JMJD8: variants seen among roughly 807,000 people sequenced by gnomAD.
JMJD8 encodes the protein jumonji domain containing 8.
A neutral mutation model predicts 37.6 loss-of-function variants in JMJD8; 56 were observed. The ratio of observed to expected loss-of-function variants is 1.49; its 90% CI spans 1.20 to 1.86. The LOEUF (loss-of-function observed/expected upper bound fraction) is 1.86, where lower values mean the gene tolerates loss of function less well. Among genes scored for constraint, JMJD8 ranks in the 40% most tolerant of loss-of-function variants. The pLI is 0.00. For missense variants in JMJD8, 542 were observed against 362.7 expected, an observed-to-expected ratio of 1.49 and a Z score of -4.01; for synonymous variants, 261 against 163.7, an observed-to-expected ratio of 1.59 and a Z score of -4.54.
In JMJD8 at chr16:683,589, G is replaced by A. The variant is rs750735595; in HGVS notation, c.332C>T (p.Pro111Leu). The change falls in exon 5 of 9, where the codon CCC becomes CTC. Residue 111 changes from proline to leucine, a missense_variant. Pro to Leu is a moderately conservative substitution (Grantham distance 98). Transcript: ENST00000609261. Reference protein sequence around the residue: ...NTYSYHKVDLPFQEYVEQLLH... With the variant: ...NTYSYHKVDLLFQEYVEQLLH... ...CAGCTGCTCCACATACTCCTGGAAGGGCAAGTCCACTGCAGGAAAGAGACG... is the reference window on the plus strand; with the variant it reads ...CAGCTGCTCCACATACTCCTGGAAGAGCAAGTCCACTGCAGGAAAGAGACG... 1.5e-5 allele frequency: 24 copies of A among 1,577,404 alleles called. No individual in the cohort carries two copies. Among genetic ancestry groups the A allele is most frequent in the East Asian group, 4.7e-5 (2 of 42,948 alleles).
At chr16:683,991 G>A (rs1567289161) in intron 2 of JMJD8, 75 bp downstream of exon 2, 5 of 1,557,860 alleles carry the variant, frequency 3.2e-6, no homozygotes, top group East Asian at 2.4e-5. Context: ...GAGGTCAGGG[G>A]AAGGCGGCCT....
At position 684,313 on chromosome 16, in the gene JMJD8, G is replaced by C. The variant is rs1361025221; in HGVS notation, c.7C>G (p.Pro3Ala). 6 of 1,487,260 alleles carry C rather than the reference G, an allele frequency of 4.0e-6. No individual in the cohort carries two copies. Among genetic ancestry groups the C allele is most frequent in the South Asian group, 2.5e-5 (2 of 79,052 alleles). 92.1% of individuals were successfully genotyped at this position (1,487,260 alleles called of 1,614,324 possible). ...CAGAGCGCGAGCAACCGCGACGCCG[G>C]CGCCATGAGCCTGCCGCCCTCAGGC... Reference protein sequence around the residue: MAPASRLLALWAL... With the variant: MAAASRLLALWAL... The change falls in exon 1 of 9, where the codon CCG becomes GCG. Residue 3 changes from proline (P) to alanine (A), a missense_variant. By Grantham distance (27) the Pro-to-Ala change is conservative. Transcript: ENST00000609261.
At position 684,285 on chromosome 16, in the gene JMJD8, G is replaced by C. The variant is rs929852290; in HGVS notation, c.35C>G (p.Ala12Gly). Residue 12 changes from alanine (A) to glycine (G), a missense_variant, in exon 1 of 9, where the codon GCG becomes GGG. By Grantham distance (60) the Ala-to-Gly change is moderately conservative (BLOSUM62 0). Coordinates refer to ENST00000609261, the MANE Select transcript of JMJD8 (RefSeq NM_001005920.4). ...GCCGGGTAGAGCCACAGCCGCCAGC[G>C]CCCAGAGCGCGAGCAACCGCGACGC... ...APASRLLALW[A>G]LAAVALPGSG... 1 of 1,459,498 alleles carries C rather than the reference G, an allele frequency of 6.9e-7. No homozygotes were observed. The highest frequency in any genetic ancestry group is 1.5e-5 in the African/African-American group (1 of 67,582). 90.4% of individuals were successfully genotyped at this position (1,459,498 alleles called of 1,614,324 possible).
In JMJD8 at chr16:682,194, C is replaced by T. The variant is rs768152535; in HGVS notation, c.*600G>A. The T allele has an allele frequency of 1.2e-6, 2 of 1,611,010 alleles. No individual in the cohort carries two copies. Among genetic ancestry groups the T allele is most frequent in the East Asian group, 2.2e-5 (1 of 44,782 alleles). Reference sequence around the variant, plus strand: ...GAGACATCCCCGACTACCTGTGTGGCAAGATCAGCTTTGAGCTGATGCGGG... The same window carrying T: ...GAGACATCCCCGACTACCTGTGTGGTAAGATCAGCTTTGAGCTGATGCGGG... On this transcript the variant is annotated 3_prime_UTR_variant, in exon 9 of 9. Coordinates refer to ENST00000609261, the MANE Select transcript of JMJD8 (RefSeq NM_001005920.4).
At position 684,266 on chromosome 16, in the gene JMJD8, TAG is replaced by T; in HGVS notation, c.52_53del (p.Leu18ThrfsTer113). On this transcript the variant is annotated frameshift_variant, in exon 1 of 9. Transcript: ENST00000609261. LOFTEE classifies it high-confidence loss of function. ...LALWALAAVA[L>X]PGSGAEGDGG... ...CGTCGCCCTCCGCCCCGGAGCCGGG[TAG>T]AGCCACAGCCGCCAGCGCCCAGAGC... 2 of 1,424,340 alleles carry T rather than the reference TAG, an allele frequency of 1.4e-6. No individual in the cohort carries two copies. The highest frequency in any genetic ancestry group is 1.8e-6 in the Non-Finnish European group (2 of 1,097,448). 88.2% of individuals were successfully genotyped at this position (1,424,340 alleles called of 1,614,324 possible). A position where few individuals can be genotyped will look rare whatever the true frequency, so the allele number is the denominator to read the frequency against.
chr16:681,886 G>A lies in JMJD8; in HGVS notation c.*908C>T, dbSNP rs774986164. 21 of 1,612,988 alleles carry A rather than the reference G, an allele frequency of 1.3e-5. No homozygotes were observed. Among genetic ancestry groups the A allele is most frequent in the Non-Finnish European group, 1.7e-5 (20 of 1,179,972 alleles). On this transcript the variant is annotated 3_prime_UTR_variant, in exon 9 of 9. Transcript: ENST00000609261. ...CCTGCATTGAGGCCAAGCACGTGAGGGTGCCCCCCACCCACATGTGGGTCT... is the reference window on the plus strand; with the variant it reads ...CCTGCATTGAGGCCAAGCACGTGAGAGTGCCCCCCACCCACATGTGGGTCT...
Position 683,488 on chromosome 16 carries a change from C to G in JMJD8, c.391+42G>C, listed in dbSNP as rs1339610191. 32 of 1,546,194 alleles carry G rather than the reference C, an allele frequency of 2.1e-5. No individual in the cohort carries two copies. The Admixed American group carries it at 6.3e-4, about 30-fold the overall frequency. ...ACAGGGATCCTGGCACCTGGAGACT[C>G]CAAGCGTCCCCACCCCCTACCGCCG... On this transcript the variant is annotated intron_variant, in intron 5 of 8. Coordinates refer to ENST00000609261, the MANE Select transcript of JMJD8 (RefSeq NM_001005920.4).
At chr16:684,017 G>T in intron 2 of JMJD8, 49 bp downstream of exon 2, 1 of 1,565,266 alleles carries the variant, frequency 6.4e-7, no homozygotes, top group South Asian at 1.2e-5. Context: ...GGTCGGGGCA[G>T]ACGGGCCGGT....
At chr16:684,031 C>G in intron 2 of JMJD8, 35 bp downstream of exon 2, 4 of 1,573,124 alleles carry the variant, frequency 2.5e-6, no homozygotes, top group Middle Eastern at 1.7e-4. Flanking sequence ...GGCCGGTGAA[C>G]AGGACGCGAC....
chr16:682,904 T>C lies in JMJD8; in HGVS notation c.715-30A>G, dbSNP rs757588363. The C allele has an allele frequency of 1.4e-5, 22 of 1,612,404 alleles. No homozygotes were observed. The South Asian group carries it at 2.2e-4, about 16-fold the overall frequency. ...TGGAGGAAGGGGGTGCAGCAGAGATTAGCTGCGGGCCTCTAGCCTGGCCTG... is the reference window on the plus strand; with the variant it reads ...TGGAGGAAGGGGGTGCAGCAGAGATCAGCTGCGGGCCTCTAGCCTGGCCTG... On this transcript the variant is annotated intron_variant, in intron 8 of 8. Transcript: ENST00000609261.
In JMJD8 at chr16:682,326, G is replaced by A. The variant is rs368200174; in HGVS notation, c.*468C>T. The A allele has an allele frequency of 4.7e-5, 76 of 1,612,798 alleles. No individual in the cohort carries two copies. The African/African-American group carries it at 8.0e-4, about 17-fold the overall frequency. ...GAGCAGGGCCAGTGGCATGGTCCTGGGCCCCATGACTGCCCTCTGCCCTTC... is the reference window on the plus strand; with the variant it reads ...GAGCAGGGCCAGTGGCATGGTCCTGAGCCCCATGACTGCCCTCTGCCCTTC... On this transcript the variant is annotated 3_prime_UTR_variant, in exon 9 of 9. Transcript: ENST00000609261.
Position 682,821 on chromosome 16 carries a change from G to T in JMJD8, c.768C>A (p.Ser256Arg), listed in dbSNP as rs183214382. 2.5e-5 allele frequency: 40 copies of T among 1,612,904 alleles called. No individual in the cohort carries two copies. Among genetic ancestry groups the T allele is most frequent in the Non-Finnish European group, 3.3e-5 (39 of 1,179,876 alleles). Residue 256 changes from serine (S) to arginine (R), a missense_variant, in exon 9 of 9, where the codon AGC becomes AGA. By Grantham distance (110) the Ser-to-Arg change is moderately radical. Coordinates refer to ENST00000609261, the MANE Select transcript of JMJD8 (RefSeq NM_001005920.4). Reference protein sequence around the residue: ...WWHATLNLDTSVFISTFLG With the variant: ...WWHATLNLDTRVFISTFLG ...AGCCGAGGAAGGTGGAGATGAAGAC[G>T]CTGGTGTCAAGGTTGAGCGTAGCAT...
rs749991533 is a variant in JMJD8 at position 682,505 on chromosome 16, C to G, written c.*289G>C. 1.2e-6 allele frequency: 2 copies of G among 1,612,944 alleles called. No homozygotes were observed. The highest frequency in any genetic ancestry group is 1.7e-5 in the Admixed American group (1 of 60,026). On this transcript the variant is annotated 3_prime_UTR_variant, in exon 9 of 9. Coordinates refer to ENST00000609261, the MANE Select transcript of JMJD8 (RefSeq NM_001005920.4). ...GGACTACTGAGGTTCCCTGCCCTACCTGGCGTCCTGGTCCAGGGGAGCCCT... is the reference window on the plus strand; with the variant it reads ...GGACTACTGAGGTTCCCTGCCCTACGTGGCGTCCTGGTCCAGGGGAGCCCT...
chr16:683,923 C>T lies in JMJD8; in HGVS notation c.177-14G>A. ...ACGAAGGCGTACCTGGAAAGAAGGGCAGAGTCGCGGCCAGGCCGGACCGCC... is the reference window on the plus strand; with the variant it reads ...ACGAAGGCGTACCTGGAAAGAAGGGTAGAGTCGCGGCCAGGCCGGACCGCC... On this transcript the variant is annotated splice_polypyrimidine_tract_variant and intron_variant, in intron 2 of 8. Coordinates refer to ENST00000609261, the MANE Select transcript of JMJD8 (RefSeq NM_001005920.4). The T allele has an allele frequency of 6.4e-7, 1 of 1,571,498 alleles. No homozygotes were observed. The highest frequency in any genetic ancestry group is 1.3e-5 in the African/African-American group (1 of 74,160).
In JMJD8 at chr16:681,859, G is replaced by A; in HGVS notation, c.*935C>T. 6 of 1,612,770 alleles carry A rather than the reference G, an allele frequency of 3.7e-6. No individual in the cohort carries two copies. The highest frequency in any genetic ancestry group is 5.1e-6 in the Non-Finnish European group (6 of 1,179,898). Reference sequence around the variant, plus strand: ...ACGACAGCCACGTCCGGGCCCAGCAGGCCTGCATTGAGGCCAAGCACGTGA... The same window carrying A: ...ACGACAGCCACGTCCGGGCCCAGCAAGCCTGCATTGAGGCCAAGCACGTGA... On this transcript the variant is annotated 3_prime_UTR_variant, in exon 9 of 9. Coordinates refer to ENST00000609261, the MANE Select transcript of JMJD8 (RefSeq NM_001005920.4).
rs1404756948 is a variant in JMJD8 at position 682,705 on chromosome 16, C to T, written c.*89G>A. On this transcript the variant is annotated 3_prime_UTR_variant, in exon 9 of 9. Transcript: ENST00000609261. Reference sequence around the variant, plus strand: ...CAGGTGAGGGTGGGCTGGGCTGAGGCCATTGCCGCCACTATCTGTGTAATA... The same window carrying T: ...CAGGTGAGGGTGGGCTGGGCTGAGGTCATTGCCGCCACTATCTGTGTAATA... 6 of 1,490,254 alleles carry T rather than the reference C, an allele frequency of 4.0e-6. No homozygotes were observed. Among genetic ancestry groups the T allele is most frequent in the Non-Finnish European group, 5.5e-6 (6 of 1,089,260 alleles). 92.3% of individuals were successfully genotyped at this position (1,490,254 alleles called of 1,614,324 possible).
In JMJD8 at chr16:682,112, G is replaced by C. The variant is rs568012319; in HGVS notation, c.*682C>G. On this transcript the variant is annotated 3_prime_UTR_variant, in exon 9 of 9. Transcript: ENST00000609261. ...GTCGCTTGCTGCCGATGGCTGGCAG[G>C]TGCTCGTGCAGTGCCCCTTTTCAGC... 9 of 1,584,768 alleles carry C rather than the reference G, an allele frequency of 5.7e-6. 1 individual carries two copies. In the Middle Eastern group the frequency reaches 5.0e-4, roughly 89 times the overall value.
rs2039767891 is a variant in JMJD8, at chr16:683,299, TC to T, written c.511+22del. 3 of 1,608,734 alleles carry T rather than the reference TC, an allele frequency of 1.9e-6. No homozygotes were observed. The East Asian group carries it at 6.7e-5, about 36-fold the overall frequency. On this transcript the variant is annotated intron_variant, in intron 6 of 8. Transcript: ENST00000609261. ...ACTCACCGACAGAAGCCTCAGTCCT[TC>T]CCAGTCCCAAGAAGCACCCACCTGC... is the stretch of plus-strand genomic sequence containing the variant.
rs1301660992 is a variant in JMJD8, at chr16:682,610, T to C, written c.*184A>G. ...CTTCCCCCAAGTTCTGCTGTTGGAC[T>C]CTGGACTGTTTCCCCTCTCAGCATC... is the stretch of plus-strand genomic sequence containing the variant. On this transcript the variant is annotated 3_prime_UTR_variant, in exon 9 of 9. Transcript: ENST00000609261. 2 of 1,477,096 alleles carry C rather than the reference T, an allele frequency of 1.4e-6. No individual in the cohort carries two copies. Among genetic ancestry groups the C allele is most frequent in the Admixed American group, 1.9e-5 (1 of 52,400 alleles). The allele number at this position is 1,477,096 out of a possible 1,614,324, so 91.5% of individuals were successfully genotyped here.
Sources: gnomAD v4.1 joint callset for allele counts on GRCh38, gnomAD v4.1.1 for gene constraint, MANE v1.5 for transcripts, NCBI Gene and HGNC (gene_info 2026-07-23, HGNC 2026-07-21) for gene names.